ABL2: variants seen among roughly 807,000 people sequenced by gnomAD.
ABL2 encodes tyrosine-protein kinase ABL2.
In ABL2, 49 loss-of-function variants were observed where a neutral mutation model predicts 107.7. That is an observed-to-expected ratio of 0.45 (90% CI 0.36 to 0.58). ABL2 has a LOEUF of 0.58. ABL2 is among the 20% of genes least tolerant of loss of function. The probability of loss-of-function intolerance (pLI) is 0.00; values close to 1 mark genes in which losing one functional copy is unlikely to be tolerated. For synonymous variants in ABL2, 549 were observed against 548.6 expected (o/e 1.00, Z -0.01); for missense variants, 1,245 against 1,457.0 (o/e 0.85, Z 2.37).
At position 179,157,572 on chromosome 1, in the gene ABL2, C is replaced by T. The variant is rs113242227; in HGVS notation, c.158-24198G>A. On this transcript the variant is annotated intron_variant, in intron 1 of 11. Coordinates refer to ENST00000502732, the MANE Select transcript of ABL2 (RefSeq NM_007314.4). Reference sequence around the variant, plus strand: ...TGAAAAACATCCAAAATTCGAAACACTTTTGGTCCCAAGCATTTCAAATAA... The same window carrying T: ...TGAAAAACATCCAAAATTCGAAACATTTTTGGTCCCAAGCATTTCAAATAA... 8.3e-3 allele frequency among the ~76,000 whole-genome samples: 1,263 copies of T among 152,088 alleles called. 12 individuals are homozygous for T. The highest frequency in any genetic ancestry group is 0.028 in the African/African-American group (1,166 of 41,492).
chr1:179,110,628 G>A, intron 10 of ABL2, 173 bp from the exon 11 acceptor site: 3 of 1,521,960 alleles, frequency 2.0e-6, no homozygotes, highest in Non-Finnish European at 2.7e-6. Flanking sequence ...CCAGTATCAT[G>A]TGTGTAGATT....
intron 1 of ABL2, among the ~76,000 whole-genome samples, chr1:179,195,281 C>CT (rs1459356585): frequency 1.3e-5 from 2 of 152,102 alleles, no homozygotes. Context: ...CAGTAAAACT[C>CT]TGTCTCAAAA....
At chr1:179,120,328 T>G (rs1655068926) in intron 5 of ABL2, 54 bp from the exon 6 acceptor site, 1 of 1,119,934 alleles carries the variant, frequency 8.9e-7, no homozygotes, top group South Asian at 1.4e-5. Context: ...AACCCTCAAC[T>G]TAAAATCATT....
intron 1 of ABL2, among the ~76,000 whole-genome samples, chr1:179,185,567 G>T (rs1307856708): frequency 6.6e-6 from 1 of 152,000 alleles, no homozygotes; most frequent in East Asian, 1.9e-4. Context: ...TGTCCACAAA[G>T]GAAAAAACTT....
intron 1 of ABL2, among the ~76,000 whole-genome samples, chr1:179,163,023 A>G (rs564355642): frequency 1.2e-4 from 19 of 152,340 alleles, no homozygotes; most frequent in Non-Finnish European, 1.5e-5. Flanking sequence ...GTTGGTACAA[A>G]GCCCAAGCAA....
At chr1:179,174,920 A>AAAAAAAAAAAAAAAAAAAAAAAT (rs1659958398) in intron 1 of ABL2, among the ~76,000 whole-genome samples, 1 of 122,874 alleles carries the variant, frequency 8.1e-6, no homozygotes, top group Non-Finnish European at 1.7e-5. Flanking sequence ...AAAATAAAAA[A>AAAAAAAAAAAAAAAAAAAAAAAT]AATAATAATA....
At chr1:179,200,779 A>G (rs549817351) in intron 1 of ABL2, among the ~76,000 whole-genome samples, 1 of 152,364 alleles carries the variant, frequency 6.6e-6, no homozygotes, top group South Asian at 2.1e-4. Context: ...GCTTTATCAC[A>G]GCAAAGGGAT....
At chr1:179,171,926 T>C (rs565185212) in intron 1 of ABL2, among the ~76,000 whole-genome samples, 2 of 152,278 alleles carry the variant, frequency 1.3e-5, no homozygotes, top group South Asian at 4.1e-4. Flanking sequence ...CTAACCACCA[T>C]TTAACCATTG....
intron 1 of ABL2, among the ~76,000 whole-genome samples, chr1:179,218,894 A>G (rs985545592): frequency 5.9e-5 from 9 of 152,356 alleles, no homozygotes; most frequent in African/African-American, 1.9e-4. Context: ...GAACTGTTCT[A>G]TATGATTTGA....
intron 1 of ABL2, among the ~76,000 whole-genome samples, chr1:179,197,030 A>G (rs1388740078): frequency 6.6e-6 from 1 of 152,228 alleles, no homozygotes; most frequent in Non-Finnish European, 1.5e-5. Context: ...AATTGAATAT[A>G]TCAAACAGAA....
intron 1 of ABL2, 74 bp downstream of exon 1, chr1:179,229,167 T>TGCCCCCCC: frequency 5.0e-6 from 2 of 402,572 alleles, no homozygotes. Flanking sequence ...GGGCAGCCCG[T>TGCCCCCCC]CCGCCACCCA....
chr1:179,160,904 G>A (rs1240537260), intron 1 of ABL2, among the ~76,000 whole-genome samples: 9 of 152,102 alleles, frequency 5.9e-5, no homozygotes, highest in African/African-American at 2.2e-4. Context: ...CACCTGGCTA[G>A]TTTTTTCATT....
At chr1:179,168,954 T>C (rs919993293) in intron 1 of ABL2, among the ~76,000 whole-genome samples, 3 of 152,172 alleles carry the variant, frequency 2.0e-5, no homozygotes, top group African/African-American at 7.2e-5. Flanking sequence ...AGTCAAGACT[T>C]GCATTTCTCC....
At chr1:179,120,878 A>G (rs748023465) in intron 5 of ABL2, among the ~76,000 whole-genome samples, 1 of 152,172 alleles carries the variant, frequency 6.6e-6, no homozygotes, top group Non-Finnish European at 1.5e-5. Flanking sequence ...ACTTCTCCAG[A>G]TATCTCAGGC....
At chr1:179,139,064 G>T (rs1443361352) in intron 1 of ABL2, among the ~76,000 whole-genome samples, 1 of 152,184 alleles carries the variant, frequency 6.6e-6, no homozygotes, top group Non-Finnish European at 1.5e-5. Context: ...TTTCTCGCTG[G>T]GCCTTAGCTG....
At chr1:179,228,957 A>G (rs890933411) in intron 1 of ABL2, among the ~76,000 whole-genome samples, 1 of 152,112 alleles carries the variant, frequency 6.6e-6, no homozygotes, top group Non-Finnish European at 1.5e-5. Flanking sequence ...TTCTTTCTGC[A>G]GCCGCATAGT....
intron 1 of ABL2, among the ~76,000 whole-genome samples, chr1:179,159,618 T>C (rs1407598401): frequency 2.0e-5 from 3 of 152,220 alleles, no homozygotes; most frequent in African/African-American, 4.8e-5. Flanking sequence ...TCCTAAAATT[T>C]TGATTAATAG....
In ABL2 at chr1:179,099,896, C is replaced by T. The variant is rs1040473798; in HGVS notation, c.*7822G>A. On this transcript the variant is annotated 3_prime_UTR_variant, in exon 12 of 12. Coordinates refer to ENST00000502732, the MANE Select transcript of ABL2 (RefSeq NM_007314.4). ...GATGGAGGTTCTGAGTATACATCAACAGCTAAGTCAGCCTGTTCACAGTCA... is the reference window on the plus strand; with the variant it reads ...GATGGAGGTTCTGAGTATACATCAATAGCTAAGTCAGCCTGTTCACAGTCA... The T allele has an allele frequency of 4.7e-5, 11 of 232,538 alleles. No individual in the cohort carries two copies. The highest frequency in any genetic ancestry group is 2.2e-4 in the African/African-American group (10 of 45,316). 14.4% of individuals were successfully genotyped at this position (232,538 alleles called of 1,614,324 possible). A position where few individuals can be genotyped will look rare whatever the true frequency, so the allele number is the denominator to read the frequency against.
chr1:179,229,202 C>A, intron 1 of ABL2, 39 bp downstream of exon 1: 1 of 1,401,862 alleles, frequency 7.1e-7, no homozygotes, highest in East Asian at 3.0e-5. Context: ...CACCCCCGGC[C>A]TCCCCCACGC....
Sources: gnomAD v4.1 joint callset for allele counts (sites outside exome capture counted in the v4.1 genomes callset) on GRCh38, gnomAD v4.1.1 for gene constraint, MANE v1.5 for transcripts, NCBI Gene and HGNC (gene_info 2026-07-23, HGNC 2026-07-21) for gene names.